The following ANKRD30B variants were observed in gnomAD, a reference collection of about 807,000 sequenced individuals.
The protein encoded by ANKRD30B is ankyrin repeat domain 30B.
A neutral mutation model predicts 202.2 loss-of-function variants in ANKRD30B; 144 were observed. The ratio of observed to expected loss-of-function variants is 0.71; its 90% CI spans 0.62 to 0.82. The LOEUF (loss-of-function observed/expected upper bound fraction) is 0.82. Among genes scored for constraint, ANKRD30B ranks in the 40% least tolerant of loss-of-function variants. ANKRD30B has a pLI of 0.00. For synonymous variants in ANKRD30B, 508 were observed against 561.3 expected, an observed-to-expected ratio of 0.91 and a Z score of 1.34; for missense variants, 1,487 against 1,669.1, an observed-to-expected ratio of 0.89 and a Z score of 1.90.
At chr18:14,752,527 T>C (rs773632941) in intron 1 of ANKRD30B, 39 bp from the exon 2 acceptor site, 2 of 1,477,094 alleles carry the variant, frequency 1.4e-6, no homozygotes, top group Admixed American at 1.9e-5. Context: ...TTTGAGACAG[T>C]GGGCTATACT....
At chr18:14,792,946 T>A (rs2143940596) in intron 16 of ANKRD30B, among the ~76,000 whole-genome samples, 1 of 152,258 alleles carries the variant, frequency 6.6e-6, no homozygotes, top group African/African-American at 2.4e-5. Flanking sequence ...ACTTAAATTG[T>A]TGTTATTCAT....
chr18:14,888,890 C>A, the ANKRD30B span: 20 of 1,083,088 alleles, frequency 1.8e-5, no homozygotes, highest in African/African-American at 3.1e-4. Context: ...ATCTTCATTG[C>A]ATTCTTTCTG....
At chr18:14,777,954 A>C in intron 9 of ANKRD30B, 31 bp from the exon 10 acceptor site, 2 of 1,484,180 alleles carry the variant, frequency 1.3e-6, no homozygotes, top group South Asian at 2.5e-5. Flanking sequence ...AAGGAAAAAG[A>C]CAAATTATTT....
At chr18:14,901,791 T>A in the ANKRD30B span, among the ~76,000 whole-genome samples, 1 of 152,186 alleles carries the variant, frequency 6.6e-6, no homozygotes, top group African/African-American at 2.4e-5. Flanking sequence ...TTACCAAAGC[T>A]TTGATTGAGA....
the ANKRD30B span, among the ~76,000 whole-genome samples, chr18:14,923,287 G>C: frequency 1.3e-5 from 2 of 152,172 alleles, no homozygotes; most frequent in African/African-American, 4.8e-5. Flanking sequence ...TGCCCTGAAG[G>C]GTGAGTCCTA....
the ANKRD30B span, among the ~76,000 whole-genome samples, chr18:14,877,193 C>A: frequency 2.0e-5 from 3 of 152,272 alleles, no homozygotes; most frequent in Non-Finnish European, 4.4e-5. Flanking sequence ...TCTGATTTGA[C>A]TTCCACTTAC....
At chr18:14,798,576 A>G (rs568416440) in intron 20 of ANKRD30B, among the ~76,000 whole-genome samples, 2 of 151,982 alleles carry the variant, frequency 1.3e-5, no homozygotes, top group African/African-American at 2.4e-5. Context: ...CCTTAACCCT[A>G]AAGAGGCTAG....
rs1268870061 is a variant in ANKRD30B, at chr18:14,831,510, G to A, written c.2847+55G>A. ...CTCAGTTGGAATCTAATTCTGTATA[G>A]TATTTACTTTTCATGTTTAGCAGTG... On this transcript the variant is annotated intron_variant, in intron 34 of 43. Transcript: ENST00000690538. 4 of 948,548 alleles carry A rather than the reference G, an allele frequency of 4.2e-6. No homozygotes were observed. The African/African-American group carries it at 6.8e-5, about 16-fold the overall frequency. The allele number at this position is 948,548 out of a possible 1,614,324, so 58.8% of individuals were successfully genotyped here.
the ANKRD30B span, among the ~76,000 whole-genome samples, chr18:14,875,884 C>A: frequency 6.6e-6 from 1 of 152,238 alleles, no homozygotes; most frequent in African/African-American, 2.4e-5. Flanking sequence ...GGGCAATGGG[C>A]GCTAAGAATT....
chr18:14,787,669 G>GA (rs1292606583), intron 15 of ANKRD30B, among the ~76,000 whole-genome samples: 5 of 152,124 alleles, frequency 3.3e-5, no homozygotes, highest in African/African-American at 9.7e-5. Context: ...GCAGTCTATT[G>GA]AAAAATATAA....
intron 3 of ANKRD30B, among the ~76,000 whole-genome samples, chr18:14,754,353 G>C (rs1300095810): frequency 6.6e-6 from 1 of 152,056 alleles, no homozygotes; most frequent in Non-Finnish European, 1.5e-5. Flanking sequence ...AAAATATATT[G>C]TCAAGTAAGT....
At chr18:14,826,689 T>A (rs62086446) in intron 32 of ANKRD30B, among the ~76,000 whole-genome samples, 9 of 22,694 alleles carry the variant, frequency 4.0e-4, no homozygotes, top group East Asian at 4.0e-3. Flanking sequence ...TCTCTCTCTC[T>A]CTCTCACACA....
At chr18:14,749,951 T>C (rs1204191439) in intron 1 of ANKRD30B, among the ~76,000 whole-genome samples, 1 of 151,890 alleles carries the variant, frequency 6.6e-6, no homozygotes, top group African/African-American at 2.4e-5. Context: ...AATAAGTTCC[T>C]GATGGAATAT....
chr18:14,783,899 C>T (rs1967911737), intron 12 of ANKRD30B, among the ~76,000 whole-genome samples: 1 of 152,026 alleles, frequency 6.6e-6, no homozygotes, highest in Non-Finnish European at 1.5e-5. Flanking sequence ...ATTCATAACA[C>T]TTCACTGATG....
At chr18:14,766,513 G>GAAAAGAAAAGAAAAGAAAAGAA (rs1555646803) in intron 7 of ANKRD30B, among the ~76,000 whole-genome samples, 3 of 120,808 alleles carry the variant, frequency 2.5e-5, no homozygotes, top group Non-Finnish European at 5.5e-5. Context: ...GAAAAGAAAA[G>GAAAAGAAAAGAAAAGAAAAGAA]AAAAGAAAAT....
chr18:14,864,509 A>G, the ANKRD30B span, among the ~76,000 whole-genome samples: 1 of 151,938 alleles, frequency 6.6e-6, no homozygotes, highest in Non-Finnish European at 1.5e-5. Flanking sequence ...ATCTACCCCA[A>G]AACTTTTTCC....
rs1282664240 is a variant in ANKRD30B, at chr18:14,808,586, A to G, written c.2313+7A>G. The G allele has an allele frequency of 1.1e-5, 17 of 1,559,946 alleles. No homozygotes were observed. Among genetic ancestry groups the G allele is most frequent in the Non-Finnish European group, 1.3e-5 (15 of 1,136,846 alleles). Reference sequence around the variant, plus strand: ...TAAAGATGGTCTTCTGAAGGTAATTACTTTTATATTTCTATGTTGAATATT... The same window carrying G: ...TAAAGATGGTCTTCTGAAGGTAATTGCTTTTATATTTCTATGTTGAATATT... On this transcript the variant is annotated splice_region_variant and intron_variant, in intron 25 of 43. Transcript: ENST00000690538.
intron 36 of ANKRD30B, among the ~76,000 whole-genome samples, chr18:14,839,634 A>G (rs1386456548): frequency 2.0e-5 from 3 of 152,224 alleles, no homozygotes; most frequent in Non-Finnish European, 2.9e-5. Flanking sequence ...TGCCTTAAGA[A>G]CGAATTGCAT....
chr18:14,879,878 T>C, the ANKRD30B span, among the ~76,000 whole-genome samples: 2 of 152,180 alleles, frequency 1.3e-5, no homozygotes, highest in Non-Finnish European at 2.9e-5. Context: ...AGAAGCTCTT[T>C]AGTTTAATTA....
Sources: allele counts gnomAD v4.1 joint callset (sites outside exome capture counted in the v4.1 genomes callset), GRCh38; gene constraint gnomAD v4.1.1; transcripts MANE v1.5; gene names NCBI Gene and HGNC (gene_info 2026-07-23, HGNC 2026-07-21).